The following RAB5A variants were observed in gnomAD, a reference collection of about 807,000 sequenced individuals.
RAB5A encodes RAB5A, member RAS oncogene family, also known as ras-related protein Rab-5A.
Under a neutral mutation model 25.7 loss-of-function variants are expected in RAB5A, and 8 were observed. The ratio of observed to expected loss-of-function variants is 0.31; its 90% CI spans 0.18 to 0.56. The LOEUF (loss-of-function observed/expected upper bound fraction) is 0.56, where lower values mean the gene tolerates loss of function less well. Ranked by LOEUF, RAB5A falls within the 20% of genes least tolerant of loss-of-function variation. RAB5A has a pLI of 0.91. For synonymous variants in RAB5A, 98 were observed against 89.8 expected, an observed-to-expected ratio of 1.09 and a Z score of -0.52; for missense variants, 192 against 259.7, an observed-to-expected ratio of 0.74 and a Z score of 1.79.
chr3:19,966,305 TC>T (rs1471302098), intron 2 of RAB5A, among the ~76,000 whole-genome samples: 1 of 152,264 alleles, frequency 6.6e-6, no homozygotes, highest in Non-Finnish European at 1.5e-5. Flanking sequence ...TTTTGTGGTT[TC>T]CTTATTTCAT....
At chr3:19,983,609 G>C (rs1696975073) in intron 5 of RAB5A, 99 bp from the exon 6 acceptor site, 3 of 785,674 alleles carry the variant, frequency 3.8e-6, no homozygotes, top group South Asian at 3.1e-5. Context: ...TGATACTTTG[G>C]GGGTAACCTA....
At chr3:19,964,799 A>G (rs1696637661) in intron 2 of RAB5A, among the ~76,000 whole-genome samples, 1 of 152,102 alleles carries the variant, frequency 6.6e-6, no homozygotes, top group African/African-American at 2.4e-5. Flanking sequence ...TTTAGTAGAG[A>G]CAAGGTTTCA....
chr3:19,969,759 G>A (rs890452452), intron 2 of RAB5A, among the ~76,000 whole-genome samples: 2 of 152,130 alleles, frequency 1.3e-5, no homozygotes, highest in Admixed American at 1.3e-4. Context: ...TCCCCTTTCT[G>A]TTTAATTCAT....
intron 3 of RAB5A, 46 bp downstream of exon 3, chr3:19,975,798 T>G: frequency 6.5e-7 from 1 of 1,535,340 alleles, no homozygotes; most frequent in South Asian, 1.2e-5. Flanking sequence ...GAGTACCCAC[T>G]TTTGGTGTTC....
intron 2 of RAB5A, among the ~76,000 whole-genome samples, chr3:19,968,179 A>G (rs1696687105): frequency 6.6e-6 from 1 of 152,102 alleles, no homozygotes; most frequent in Admixed American, 6.6e-5. Context: ...TAGTCACTGC[A>G]TGCATCCTTT....
chr3:19,968,414 C>G (rs183139369), intron 2 of RAB5A, among the ~76,000 whole-genome samples: 3 of 152,290 alleles, frequency 2.0e-5, no homozygotes, highest in East Asian at 1.9e-4. Context: ...TTATTATACT[C>G]TAGCCAAACT....
chr3:19,980,256 C>G (rs369850660), intron 5 of RAB5A: 2 of 152,190 alleles, frequency 1.3e-5, no homozygotes, highest in African/African-American at 4.8e-5. Flanking sequence ...TATTTAAACT[C>G]TACCAGATGG....
At chr3:19,956,635 T>C (rs1042034415) in intron 2 of RAB5A, among the ~76,000 whole-genome samples, 17 of 152,230 alleles carry the variant, frequency 1.1e-4, no homozygotes, top group African/African-American at 3.9e-4. Flanking sequence ...TTCAAAGTTA[T>C]TATTAACATA....
chr3:19,970,088 G>C (rs1446397417), intron 2 of RAB5A, among the ~76,000 whole-genome samples: 2 of 145,274 alleles, frequency 1.4e-5, no homozygotes, highest in African/African-American at 5.1e-5. Context: ...TTTTAGTAGA[G>C]ACGGGTTTTC....
At chr3:19,951,701 G>GTTTTTTTTGTTTTTTTTTT (rs1553638047) in intron 2 of RAB5A, among the ~76,000 whole-genome samples, 6 of 99,014 alleles carry the variant, frequency 6.1e-5, no homozygotes, top group African/African-American at 2.5e-4. Context: ...TGCCAGGCAA[G>GTTTTTTTTGTTTTTTTTTT]TTTTTTTTTT....
chr3:19,967,231 A>G (rs1336200355), intron 2 of RAB5A, among the ~76,000 whole-genome samples: 2 of 149,756 alleles, frequency 1.3e-5, no homozygotes, highest in African/African-American at 2.5e-5. Flanking sequence ...TGCAACCTCC[A>G]TCTCCTGGGT....
intron 5 of RAB5A, among the ~76,000 whole-genome samples, chr3:19,980,977 C>G (rs1228883619): frequency 1.3e-5 from 2 of 152,188 alleles, no homozygotes; most frequent in East Asian, 3.9e-4. Flanking sequence ...GCAATCCGAT[C>G]TCAAAGCAGA....
At chr3:19,964,365 C>G (rs185463962) in intron 2 of RAB5A, among the ~76,000 whole-genome samples, 3 of 143,484 alleles carry the variant, frequency 2.1e-5, no homozygotes, top group South Asian at 2.3e-4. Context: ...TAGTTAATAA[C>G]TCGTACCCTG....
At chr3:19,973,660 T>A (rs1696782677) in intron 2 of RAB5A, among the ~76,000 whole-genome samples, 1 of 152,196 alleles carries the variant, frequency 6.6e-6, no homozygotes, top group African/African-American at 2.4e-5. Flanking sequence ...TTGAACTGGA[T>A]TAGAATATAT....
chr3:19,961,053 A>G (rs901407860), intron 2 of RAB5A, among the ~76,000 whole-genome samples: 9 of 152,216 alleles, frequency 5.9e-5, no homozygotes, highest in Admixed American at 4.6e-4. Flanking sequence ...CATGAATAGA[A>G]TTTTCTCCTC....
At position 19,950,820 on chromosome 3, in the gene RAB5A, A is replaced by G. The variant is rs11717172; in HGVS notation, c.-79A>G. The G allele has an allele frequency of 0.18, 249,765 of 1,414,106 alleles. 24,646 individuals carry two copies. The highest frequency in any genetic ancestry group is 0.21 in the Middle Eastern group (789 of 3,780). The allele number at this position is 1,414,106 out of a possible 1,614,324, so 87.6% of individuals were successfully genotyped here. On this transcript the variant is annotated 5_prime_UTR_variant, in exon 2 of 6. Coordinates refer to ENST00000273047, the MANE Select transcript of RAB5A (RefSeq NM_004162.5). ...TTTCTTTACAGGTTTCTTTACCTCC[A>G]GAAAGAAGAATATTGGCCCCTTGAA...
intron 2 of RAB5A, chr3:19,970,460 CACGTAGCTCAGAGGGAGCCTATCAG>C: frequency 2.4e-6 from 1 of 422,200 alleles, no homozygotes; most frequent in Non-Finnish European, 4.7e-6. Context: ...AGGAGCTGAT[CACGTAGCTCAGAGGGAGCCTATCAG>C]ACAGGCCAGC....
chr3:19,966,108 T>G (rs991005275), intron 2 of RAB5A, among the ~76,000 whole-genome samples: 1 of 152,116 alleles, frequency 6.6e-6, no homozygotes, highest in Non-Finnish European at 1.5e-5. Flanking sequence ...TACAGTTGAG[T>G]GGTATTAGGT....
At position 19,983,798 on chromosome 3, in the gene RAB5A, C is replaced by A; in HGVS notation, c.623C>A (p.Thr208Asn). 1.2e-6 allele frequency: 2 copies of A among 1,609,004 alleles called. No individual in the cohort carries two copies. Among genetic ancestry groups the A allele is most frequent in the Non-Finnish European group, 1.7e-6 (2 of 1,176,102 alleles). Residue 208 changes from threonine (T) to asparagine (N), a missense_variant, in exon 6 of 6, where the codon ACC (threonine) becomes AAC (asparagine). By Grantham distance (65) the Thr-to-Asn change is moderately conservative. This residue lies in a region of RAB5A where 121 missense variants were observed against 135.7 expected (regional missense o/e 0.89). Transcript: ENST00000273047. ...GVDLTEPTQP[T>N]RNQCCSN ...GACCTTACCGAACCCACACAACCAA[C>A]CAGGAATCAGTGTTGTAGTAACTAA...
Sources: gnomAD v4.1 joint callset for allele counts (sites outside exome capture counted in the v4.1 genomes callset) on GRCh38, gnomAD v4.1.1 for gene constraint, gnomAD v4.1.1 regional missense constraint, MANE v1.5 for transcripts, NCBI Gene and HGNC (gene_info 2026-07-23, HGNC 2026-07-21) for gene names.